The following TBC1D5 variants were observed in gnomAD, a reference collection of about 807,000 sequenced individuals.
The protein encoded by TBC1D5 is TBC1 domain family, member 5.
A neutral mutation model predicts 100.3 loss-of-function variants in TBC1D5; 75 were observed. The observed-to-expected ratio is 0.75, with a 90% CI of 0.62 to 0.91. The LOEUF (loss-of-function observed/expected upper bound fraction) is 0.91. Among genes scored for constraint, TBC1D5 ranks in the 40% least tolerant of loss-of-function variants. The probability of loss-of-function intolerance (pLI) is 0.00; values close to 1 mark genes in which losing one functional copy is unlikely to be tolerated. For missense variants in TBC1D5, 910 were observed against 942.4 expected (o/e 0.97, Z 0.45); for synonymous variants, 323 against 325.6 (o/e 0.99, Z 0.09).
chr3:17,307,564 TG>T (rs2083522232), intron 14 of TBC1D5, among the ~76,000 whole-genome samples: 2 of 152,346 alleles, frequency 1.3e-5, no homozygotes, highest in South Asian at 2.1e-4. Flanking sequence ...TAAATGTATT[TG>T]TTTTTTTAAT....
chr3:17,472,332 T>A (rs1187627431), intron 3 of TBC1D5, among the ~76,000 whole-genome samples: 1 of 151,868 alleles, frequency 6.6e-6, no homozygotes, highest in Non-Finnish European at 1.5e-5. Flanking sequence ...AGAGATGGGG[T>A]TTCAACCTTG....
intron 15 of TBC1D5, among the ~76,000 whole-genome samples, chr3:17,283,596 G>C (rs1423332454): frequency 1.3e-5 from 2 of 152,126 alleles, no homozygotes; most frequent in African/African-American, 4.8e-5. Flanking sequence ...AGGTGTGAGT[G>C]AGTGTGCTTA....
At chr3:17,530,868 G>A (rs2096212790) in intron 2 of TBC1D5, among the ~76,000 whole-genome samples, 1 of 152,186 alleles carries the variant, frequency 6.6e-6, no homozygotes, top group South Asian at 2.1e-4. Context: ...CAAACCCACA[G>A]CCAATATCAT....
chr3:17,655,309 G>C lies in TBC1D5; in HGVS notation c.-100-31396C>G. Among the ~76,000 whole-genome samples, 3 of 122,094 alleles carry C rather than the reference G, an allele frequency of 2.5e-5. No individual in the cohort carries two copies. In the South Asian group the frequency reaches 9.7e-4, roughly 39 times the overall value. The allele number at this position is 122,094 out of a possible 152,430, so 80.1% of individuals were successfully genotyped here. The stretch of plus-strand genomic sequence containing the variant: ...CATCACACTCTGGGGACTGTTGTGG[G>C]GTGGGGGGAGGGGGAAAGGATAGCT... On this transcript the variant is annotated intron_variant, in intron 1 of 21. Transcript: ENST00000253692.
At chr3:17,291,935 T>C (rs1318712743) in exon 15 of TBC1D5, 5 of 1,613,898 alleles carry the variant, frequency 3.1e-6, no homozygotes, top group Non-Finnish European at 4.2e-6. Context: ...AATCAGTGAG[T>C]GTACATCCCC....
At chr3:17,693,374 C>T (rs1405407034) in intron 1 of TBC1D5, among the ~76,000 whole-genome samples, 5 of 152,206 alleles carry the variant, frequency 3.3e-5, no homozygotes, top group Non-Finnish European at 7.3e-5. Context: ...GTAACACTCC[C>T]ACCCAAAAAC....
intron 1 of TBC1D5, among the ~76,000 whole-genome samples, chr3:17,678,343 G>A (rs1259442618): frequency 6.6e-6 from 1 of 151,956 alleles, no homozygotes; most frequent in African/African-American, 2.4e-5. Flanking sequence ...CAAAACAACT[G>A]GTTCACCAAA....
At chr3:17,297,530 C>A (rs1388805864) in intron 14 of TBC1D5, among the ~76,000 whole-genome samples, 1 of 150,562 alleles carries the variant, frequency 6.6e-6, no homozygotes, top group Non-Finnish European at 1.5e-5. Context: ...GAGCCCAGAT[C>A]ACACCACCGC....
At chr3:17,175,140 A>G (rs976243220) in intron 19 of TBC1D5, among the ~76,000 whole-genome samples, 3 of 152,254 alleles carry the variant, frequency 2.0e-5, no homozygotes, top group African/African-American at 7.2e-5. Context: ...TTTCTTAAAA[A>G]GCAAAATGAA....
intron 1 of TBC1D5, among the ~76,000 whole-genome samples, chr3:17,682,365 C>T (rs975540264): frequency 1.3e-5 from 2 of 151,480 alleles, no homozygotes; most frequent in South Asian, 2.1e-4. Context: ...CCATACCTAT[C>T]GTTCTGCTCC....
At chr3:17,375,892 C>A (rs2092688558) in intron 10 of TBC1D5, among the ~76,000 whole-genome samples, 1 of 152,106 alleles carries the variant, frequency 6.6e-6, no homozygotes, top group Non-Finnish European at 1.5e-5. Context: ...GATGAATACT[C>A]CTGGACACAA....
chr3:17,374,609 A>G lies in TBC1D5; in HGVS notation c.752+20T>C. On this transcript the variant is annotated intron_variant, in intron 11 of 21. Coordinates refer to ENST00000253692, the Ensembl canonical transcript of TBC1D5. Reference sequence around the variant, plus strand: ...AATGATGGTATAAAAAAATAAAACAAAGAAAGTTTTTGTACTTACTAGGCA... The same window carrying G: ...AATGATGGTATAAAAAAATAAAACAGAGAAAGTTTTTGTACTTACTAGGCA... 5.6e-6 allele frequency: 9 copies of G among 1,610,426 alleles called. No individual in the cohort carries two copies. Among genetic ancestry groups the G allele is most frequent in the Non-Finnish European group, 7.6e-6 (9 of 1,178,678 alleles).
At chr3:17,263,006 C>T (rs1335700369) in intron 15 of TBC1D5, among the ~76,000 whole-genome samples, 1 of 151,378 alleles carries the variant, frequency 6.6e-6, no homozygotes, top group African/African-American at 2.4e-5. Context: ...GTAGGAGGAT[C>T]GCTTGAGGCC....
intron 3 of TBC1D5, among the ~76,000 whole-genome samples, chr3:17,499,244 G>C (rs944188234): frequency 6.6e-6 from 1 of 152,036 alleles, no homozygotes; most frequent in East Asian, 1.9e-4. Flanking sequence ...GGGAGGTGGA[G>C]GATTATACTT....
At chr3:17,492,527 G>T (rs891935675) in intron 3 of TBC1D5, among the ~76,000 whole-genome samples, 1 of 151,826 alleles carries the variant, frequency 6.6e-6, no homozygotes, top group Non-Finnish European at 1.5e-5. Flanking sequence ...CTCCATGTCC[G>T]GGATTCAAGT....
chr3:17,412,311 T>C (rs1210054699), intron 4 of TBC1D5, among the ~76,000 whole-genome samples: 1 of 152,082 alleles, frequency 6.6e-6, no homozygotes, highest in Admixed American at 6.6e-5. Flanking sequence ...GGTTTGATAC[T>C]TCAAAATTAA....
intron 2 of TBC1D5, among the ~76,000 whole-genome samples, chr3:17,615,672 G>A (rs373752691): frequency 3.3e-5 from 5 of 152,112 alleles, no homozygotes; most frequent in East Asian, 1.9e-4. Flanking sequence ...GTTGCTTTGC[G>A]TAGAGATATT....
At chr3:17,456,657 T>A (rs2095091712) in intron 3 of TBC1D5, among the ~76,000 whole-genome samples, 1 of 152,200 alleles carries the variant, frequency 6.6e-6, no homozygotes, top group Admixed American at 6.5e-5. Flanking sequence ...TAACAAATGC[T>A]GGTGAGGATG....
chr3:17,324,591 C>T (rs191229309), intron 13 of TBC1D5, among the ~76,000 whole-genome samples: 1 of 152,190 alleles, frequency 6.6e-6, no homozygotes, highest in African/African-American at 2.4e-5. Context: ...TTGCAGTAAG[C>T]CTAGATTGCA....
Sources: gnomAD v4.1 joint callset for allele counts (sites outside exome capture counted in the v4.1 genomes callset) on GRCh38, gnomAD v4.1.1 for gene constraint, MANE v1.5 for transcripts, NCBI Gene and HGNC (gene_info 2026-07-23, HGNC 2026-07-21) for gene names.